The following ZNF665 variants were observed in gnomAD, a reference collection of about 807,000 sequenced individuals.
ZNF665 encodes zinc finger protein 665.
Under a neutral mutation model 7.9 loss-of-function variants are expected in ZNF665, and 6 were observed. The observed-to-expected ratio is 0.76, with a 90% CI of 0.42 to 1.50. The LOEUF (loss-of-function observed/expected upper bound fraction) is 1.50, where lower values mean the gene tolerates loss of function less well. Ranked by LOEUF, ZNF665 falls within the 40% of genes most tolerant of loss-of-function variation. The pLI, the probability that ZNF665 is intolerant of heterozygous loss-of-function variation, is 0.01. For synonymous variants in ZNF665, 242 were observed against 274.5 expected, an observed-to-expected ratio of 0.88 and a Z score of 1.17; for missense variants, 819 against 806.7, an observed-to-expected ratio of 1.02 and a Z score of -0.18.
chr19:53,171,520 ATATAT>A (rs1313722880), intron 3 of ZNF665, among the ~76,000 whole-genome samples: 6 of 82,788 alleles, frequency 7.2e-5, no homozygotes, highest in Admixed American at 5.4e-4. Context: ...ATATATATAT[ATATAT>A]TTTTTTTTTT....
intron 3 of ZNF665, 125 bp downstream of exon 3, chr19:53,175,320 T>C: frequency 8.1e-7 from 1 of 1,227,358 alleles, no homozygotes; most frequent in Non-Finnish European, 1.1e-6. Context: ...ATTAGGCTTT[T>C]CATTTATGAG....
At chr19:53,185,103 C>T (rs1455941747) in intron 1 of ZNF665, among the ~76,000 whole-genome samples, 1 of 151,900 alleles carries the variant, frequency 6.6e-6, no homozygotes, top group Non-Finnish European at 1.5e-5. Context: ...ACGGTTAGGC[C>T]TCCGGATAAC....
rs780347456 is a variant in ZNF665, at chr19:53,165,423, C to T, written c.1067G>A (p.Arg356Lys). The T allele has an allele frequency of 1.6e-5, 26 of 1,613,004 alleles. No individual in the cohort carries two copies. The highest frequency in any genetic ancestry group is 3.3e-4 in the Middle Eastern group (2 of 6,078). ...ATGCTTTGCAAGGTATGAATTGTGC[C>T]TGAAGACCTTGCCACATTCATTACA... ...YKCNECGKVFRHNSYLAKHRR... is the reference protein window; with the variant it reads ...YKCNECGKVFKHNSYLAKHRR... Residue 356 changes from arginine (R) to lysine (K), a missense_variant, in exon 4 of 4, where the codon AGG becomes AAG. Coordinates refer to ENST00000396424, the MANE Select transcript of ZNF665 (RefSeq NM_024733.5).
In ZNF665 at chr19:53,163,555, T is replaced by C. The variant is rs2090579404; in HGVS notation, c.*898A>G. The stretch of plus-strand genomic sequence containing the variant: ...TGAAGTGAGTGAGCCCTTCCATCCT[T>C]TGATTCTTTCCCGAACAACACCATG... On this transcript the variant is annotated 3_prime_UTR_variant, in exon 4 of 4. Coordinates refer to ENST00000396424, the MANE Select transcript of ZNF665 (RefSeq NM_024733.5). 6.6e-6 allele frequency: 1 copy of C among 152,238 alleles called. No individual in the cohort carries two copies. Among genetic ancestry groups the C allele is most frequent in the Admixed American group, 6.5e-5 (1 of 15,284 alleles). The allele number at this position is 152,238 out of a possible 1,614,324, so 9.4% of individuals were successfully genotyped here.
At chr19:53,177,788 G>C (rs1177373692) in intron 2 of ZNF665, among the ~76,000 whole-genome samples, 2 of 152,154 alleles carry the variant, frequency 1.3e-5, no homozygotes, top group Non-Finnish European at 2.9e-5. Context: ...CCATATGCAA[G>C]GTAGTATTTT....
chr19:53,172,415 T>A (rs1381755903), intron 3 of ZNF665, among the ~76,000 whole-genome samples: 1 of 152,210 alleles, frequency 6.6e-6, no homozygotes, highest in Non-Finnish European at 1.5e-5. Context: ...AGTCTCCATA[T>A]CTTTGCTAAC....
At chr19:53,171,524 A>ATATATATATATATTTT (rs372855271) in intron 3 of ZNF665, among the ~76,000 whole-genome samples, 23 of 69,320 alleles carry the variant, frequency 3.3e-4, no homozygotes, top group East Asian at 2.6e-3. Flanking sequence ...ATATATATAT[A>ATATATATATATATTTT]TTTTTTTTTT....
Position 53,175,561 on chromosome 19 carries a change from GTCAAC to G in ZNF665, c.21_25del (p.Gln7HisfsTer34). On this transcript the variant is annotated frameshift_variant, in exon 3 of 4. Transcript: ENST00000396424. LOFTEE classifies it high-confidence loss of function. The stretch of plus-strand genomic sequence containing the variant: ...GAATTCTATGGCCACATCCTTGAAT[GTCAAC>G]TGTCCCTAAAATGAAAAACACATTT... 1 of 1,601,488 alleles carries G rather than the reference GTCAAC, an allele frequency of 6.2e-7. No homozygotes were observed. Among genetic ancestry groups the G allele is most frequent in the Non-Finnish European group, 8.5e-7 (1 of 1,176,600 alleles).
At position 53,175,538 on chromosome 19, in the gene ZNF665, A is replaced by T; in HGVS notation, c.49T>A (p.Phe17Ile). 1.2e-6 allele frequency: 2 copies of T among 1,610,288 alleles called. No homozygotes were observed. Among genetic ancestry groups the T allele is most frequent in the Admixed American group, 1.7e-5 (1 of 58,658 alleles). ...QLTFKDVAIEFSQEEWTCLDP... is the reference protein window; with the variant it reads ...QLTFKDVAIEISQEEWTCLDP... Reference sequence around the variant, plus strand: ...AGGCATGTCCACTCCTCCTGAGAGAATTCTATGGCCACATCCTTGAATGTC... The same window carrying T: ...AGGCATGTCCACTCCTCCTGAGAGATTTCTATGGCCACATCCTTGAATGTC... The change falls in exon 3 of 4, where the codon TTC becomes ATC. Residue 17 changes from phenylalanine (F) to isoleucine (I), a missense_variant. Coordinates refer to ENST00000396424, the MANE Select transcript of ZNF665 (RefSeq NM_024733.5).
intron 2 of ZNF665, among the ~76,000 whole-genome samples, chr19:53,178,158 G>C (rs1024747323): frequency 4.6e-5 from 7 of 152,182 alleles, no homozygotes; most frequent in African/African-American, 1.7e-4. Flanking sequence ...CAGTACAAAG[G>C]AGTCAATGTA....
intron 3 of ZNF665, among the ~76,000 whole-genome samples, chr19:53,174,854 G>A (rs1011039891): frequency 6.6e-6 from 1 of 150,950 alleles, no homozygotes; most frequent in African/African-American, 2.4e-5. Flanking sequence ...CAGGAGAATC[G>A]CTTGAACTCA....
chr19:53,181,484 C>G (rs2146874686), intron 2 of ZNF665: 1 of 151,402 alleles, frequency 6.6e-6, no homozygotes, highest in South Asian at 2.1e-4. Context: ...CACTTCAGAG[C>G]ATGCCTGAGC....
rs768139388 is a variant in ZNF665, at chr19:53,165,132, G to A, written c.1358C>T (p.Thr453Ile). ...ATTACATTTGTAAGGCTTTTCTCCA[G>A]TATGAATTGCCTGATGGGTAGTTAG... ...SSLTTHQAIH[T>I]GEKPYKCNDC... Residue 453 changes from threonine to isoleucine, a missense_variant, in exon 4 of 4, where the codon ACT becomes ATT. By Grantham distance (89) the Thr-to-Ile change is moderately conservative. Transcript: ENST00000396424. 39 of 1,613,888 alleles carry A rather than the reference G, an allele frequency of 2.4e-5. No homozygotes were observed. The highest frequency in any genetic ancestry group is 3.2e-5 in the Non-Finnish European group (38 of 1,180,016).
At chr19:53,169,728 C>T (rs894159590) in intron 3 of ZNF665, among the ~76,000 whole-genome samples, 4 of 150,002 alleles carry the variant, frequency 2.7e-5, no homozygotes, top group African/African-American at 9.9e-5. Flanking sequence ...GTTCCCCTTC[C>T]TGTGTCCATG....
At chr19:53,175,299 G>T in intron 3 of ZNF665, 146 bp downstream of exon 3, 1 of 1,029,608 alleles carries the variant, frequency 9.7e-7, no homozygotes, top group Non-Finnish European at 1.4e-6. Context: ...TTAAAGTCCA[G>T]ATCCTGCATG....
intron 3 of ZNF665, among the ~76,000 whole-genome samples, chr19:53,167,725 C>T (rs1215804724): frequency 3.4e-5 from 5 of 148,952 alleles, no homozygotes; most frequent in South Asian, 2.2e-4. Context: ...GGATTACAGG[C>T]GTAAGCCAGG....
chr19:53,191,271 G>C (rs948436801), intron 1 of ZNF665, among the ~76,000 whole-genome samples: 4 of 152,228 alleles, frequency 2.6e-5, no homozygotes, highest in Middle Eastern at 3.4e-3. Context: ...TGCATTCTTT[G>C]TTGAGCGTTC....
intron 1 of ZNF665, among the ~76,000 whole-genome samples, chr19:53,189,340 C>T (rs1368440549): frequency 1.3e-5 from 2 of 151,658 alleles, no homozygotes; most frequent in Non-Finnish European, 2.9e-5. Flanking sequence ...ACCACCAATG[C>T]ACGGAGACCG....
chr19:53,164,217 A>C lies in ZNF665; in HGVS notation c.*236T>G. The C allele has an allele frequency of 3.0e-6, 1 of 333,858 alleles. No homozygotes were observed. The allele number at this position is 333,858 out of a possible 1,614,324, so 20.7% of individuals were successfully genotyped here. On this transcript the variant is annotated 3_prime_UTR_variant, in exon 4 of 4. Coordinates refer to ENST00000396424, the MANE Select transcript of ZNF665 (RefSeq NM_024733.5). ...GCAATGGCATGATCTCGCTCACTGC[A>C]ACCTCCGCCTCCCAGGTTCAAGTGA... is the stretch of plus-strand genomic sequence containing the variant.
Sources: allele counts gnomAD v4.1 joint callset (sites outside exome capture counted in the v4.1 genomes callset), GRCh38; gene constraint gnomAD v4.1.1; transcripts MANE v1.5; gene names NCBI Gene and HGNC (gene_info 2026-07-23, HGNC 2026-07-21).